Variants in GABRA2 observed in about 807,000 individuals in gnomAD.
The protein encoded by GABRA2 is gamma-aminobutyric acid receptor subunit alpha-2.
In GABRA2, 16 loss-of-function variants were observed where a neutral mutation model predicts 48.7. That is an observed-to-expected ratio of 0.33 (90% CI 0.22 to 0.50). The LOEUF is 0.50. Among genes scored for constraint, GABRA2 ranks in the 20% least tolerant of loss-of-function variants. The pLI, the probability that GABRA2 is intolerant of heterozygous loss-of-function variation, is 0.98. For synonymous variants in GABRA2, 185 were observed against 184.5 expected (o/e 1.00, Z -0.02); for missense variants, 275 against 535.6 (o/e 0.51, Z 4.80).
At chr4:46,277,672 C>T (rs1720758512) in intron 8 of GABRA2, among the ~76,000 whole-genome samples, 1 of 152,094 alleles carries the variant, frequency 6.6e-6, no homozygotes, top group Non-Finnish European at 1.5e-5. Flanking sequence ...AATGTCCTTT[C>T]CTATCTCTGC....
chr4:46,320,216 T>C (rs1004580434), intron 4 of GABRA2, among the ~76,000 whole-genome samples: 11 of 151,826 alleles, frequency 7.2e-5, no homozygotes, highest in African/African-American at 2.4e-4. Flanking sequence ...AACCTGATGT[T>C]GGAAAAACTG....
At chr4:46,287,996 C>A (rs1183284163) in intron 8 of GABRA2, among the ~76,000 whole-genome samples, 8 of 152,076 alleles carry the variant, frequency 5.3e-5, no homozygotes, top group Non-Finnish European at 7.4e-5. Flanking sequence ...AAAGAGAGAG[C>A]TTATGCAGGG....
chr4:46,378,560 C>A (rs1716304717), intron 3 of GABRA2, among the ~76,000 whole-genome samples: 1 of 151,688 alleles, frequency 6.6e-6, no homozygotes, highest in Admixed American at 6.6e-5. Flanking sequence ...AAACCAGAGA[C>A]CTTTGTTCAC....
intron 4 of GABRA2, among the ~76,000 whole-genome samples, chr4:46,330,139 C>G (rs750950591): frequency 6.6e-6 from 1 of 152,036 alleles, no homozygotes; most frequent in Non-Finnish European, 1.5e-5. Context: ...TGAAATTCCA[C>G]TCAATGCAAC....
intron 3 of GABRA2, among the ~76,000 whole-genome samples, chr4:46,346,163 A>G (rs1734109411): frequency 6.6e-6 from 1 of 151,982 alleles, no homozygotes; most frequent in Non-Finnish European, 1.5e-5. Flanking sequence ...ATTAAAGTCA[A>G]CAAATACTTA....
At chr4:46,356,097 A>G (rs1394926562) in intron 3 of GABRA2, among the ~76,000 whole-genome samples, 1 of 152,162 alleles carries the variant, frequency 6.6e-6, no homozygotes, top group Non-Finnish European at 1.5e-5. Context: ...GTGGCACTCA[A>G]TGCCCCTGAC....
At chr4:46,327,226 G>A (rs1308997903) in intron 4 of GABRA2, among the ~76,000 whole-genome samples, 1 of 151,862 alleles carries the variant, frequency 6.6e-6, no homozygotes, top group African/African-American at 2.4e-5. Flanking sequence ...ACCTTATCAT[G>A]TTAAAATACA....
intron 8 of GABRA2, among the ~76,000 whole-genome samples, chr4:46,271,120 G>A (rs1719246666): frequency 6.6e-6 from 1 of 151,970 alleles, no homozygotes; most frequent in African/African-American, 2.4e-5. Context: ...GGTGCAGGGT[G>A]GAAGTTAAGA....
At chr4:46,279,228 G>T (rs1474279407) in intron 8 of GABRA2, among the ~76,000 whole-genome samples, 1 of 152,068 alleles carries the variant, frequency 6.6e-6, no homozygotes, top group African/African-American at 2.4e-5. Flanking sequence ...CTAACTACCT[G>T]ATATACACTT....
At chr4:46,343,976 C>A (rs1446385108) in intron 3 of GABRA2, among the ~76,000 whole-genome samples, 1 of 151,808 alleles carries the variant, frequency 6.6e-6, no homozygotes, top group Non-Finnish European at 1.5e-5. Flanking sequence ...TCACTGGGTT[C>A]CTGTGAGGAT....
At position 46,256,150 on chromosome 4, in the gene GABRA2, G is replaced by A. The variant is rs548250127; in HGVS notation, c.1060-5546C>T. 19 of 527,816 alleles carry A rather than the reference G, an allele frequency of 3.6e-5. No individual in the cohort carries two copies. In the South Asian group the frequency reaches 5.3e-4, roughly 15 times the overall value. The allele number at this position is 527,816 out of a possible 1,614,324, so 32.7% of individuals were successfully genotyped here. A position where few individuals can be genotyped will look rare whatever the true frequency, so the allele number is the denominator to read the frequency against. ...TGCTCATTGGTCAGATAATGCTATT[G>A]TTAACTGTCTACTAATCATCCTGAC... On this transcript the variant is annotated intron_variant, in intron 9 of 9. Coordinates refer to ENST00000381620, the MANE Select transcript of GABRA2 (RefSeq NM_000807.4).
At position 46,249,682 on chromosome 4, in the gene GABRA2, A is replaced by C. The variant is rs771936342; in HGVS notation, c.*626T>G. ...GACATTCCAATAGTTATTACATCGT[A>C]GGCATAATTAACATCCTTTCGGGCT... On this transcript the variant is annotated 3_prime_UTR_variant, in exon 10 of 10. Coordinates refer to ENST00000381620, the MANE Select transcript of GABRA2 (RefSeq NM_000807.4). 6.6e-6 allele frequency: 1 copy of C among 151,514 alleles called. No homozygotes were observed. Among genetic ancestry groups the C allele is most frequent in the African/African-American group, 2.4e-5 (1 of 41,360 alleles). The allele number at this position is 151,514 out of a possible 1,614,324, so 9.4% of individuals were successfully genotyped here.
chr4:46,352,012 A>G (rs1035108447), intron 3 of GABRA2, among the ~76,000 whole-genome samples: 22 of 150,902 alleles, frequency 1.5e-4, no homozygotes, highest in Admixed American at 6.6e-4. Context: ...TGTTCCTGCC[A>G]TTCCTGGTAG....
intron 8 of GABRA2, among the ~76,000 whole-genome samples, chr4:46,265,300 A>G (rs1271220947): frequency 6.8e-6 from 1 of 147,314 alleles, no homozygotes; most frequent in East Asian, 2.0e-4. Flanking sequence ...TCAGCCTCTC[A>G]AAGTGCTGTG....
intron 8 of GABRA2, among the ~76,000 whole-genome samples, chr4:46,291,018 T>G (rs1438316148): frequency 6.6e-6 from 1 of 152,206 alleles, no homozygotes; most frequent in African/African-American, 2.4e-5. Context: ...TGCATCTATA[T>G]TCATAATGGA....
intron 8 of GABRA2, among the ~76,000 whole-genome samples, chr4:46,262,822 A>G (rs538773): frequency 0.63 from 95,011 of 151,560 alleles, 30,469 homozygotes; most frequent in South Asian, 0.76. Context: ...GCTTAAACCC[A>G]GGAGACAGAG....
chr4:46,273,524 T>TGCATATATATATATATATATATATGC (rs756735267), intron 8 of GABRA2, among the ~76,000 whole-genome samples: 1 of 36,696 alleles, frequency 2.7e-5, no homozygotes, highest in Non-Finnish European at 5.3e-5. Context: ...TATATATATA[T>TGCATATATATATATATATATATATGC]ATATATATAT....
chr4:46,264,136 T>TA (rs1717627144), intron 8 of GABRA2, among the ~76,000 whole-genome samples: 1 of 134,476 alleles, frequency 7.4e-6, no homozygotes, highest in South Asian at 2.8e-4. Context: ...GTTCATTGCT[T>TA]ATGTACAAAA....
At chr4:46,268,288 T>C (rs1718651483) in intron 8 of GABRA2, among the ~76,000 whole-genome samples, 1 of 151,800 alleles carries the variant, frequency 6.6e-6, no homozygotes, top group African/African-American at 2.4e-5. Flanking sequence ...AATTTGCAAG[T>C]CACACATCTG....
Sources: gnomAD v4.1 joint callset for allele counts (sites outside exome capture counted in the v4.1 genomes callset) on GRCh38, gnomAD v4.1.1 for gene constraint, MANE v1.5 for transcripts, NCBI Gene and HGNC (gene_info 2026-07-23, HGNC 2026-07-21) for gene names.